Variants in SERINC5 observed in about 807,000 individuals in gnomAD.
The protein encoded by SERINC5 is serine incorporator 5, also known as chromosome 5 open reading frame 12.
SERINC5 carries 41 observed loss-of-function variants against 63.1 expected under a neutral mutation model. That is an observed-to-expected ratio of 0.65 (90% CI 0.51 to 0.84). SERINC5 has a LOEUF of 0.84. SERINC5 is among the 40% of genes least tolerant of loss of function. The pLI is 0.00. For missense variants in SERINC5, 523 were observed against 573.0 expected, an observed-to-expected ratio of 0.91 and a Z score of 0.89; for synonymous variants, 222 against 215.2, an observed-to-expected ratio of 1.03 and a Z score of -0.28.
chr5:80,171,571 C>T (rs1389569895), intron 5 of SERINC5, among the ~76,000 whole-genome samples: 1 of 152,098 alleles, frequency 6.6e-6, no homozygotes, highest in Non-Finnish European at 1.5e-5. Context: ...TGGTGATCAA[C>T]TGTATGGTAG....
In SERINC5 at chr5:80,149,585, C is replaced by T. The variant is rs554519419; in HGVS notation, c.1053+1297G>A. Among the ~76,000 whole-genome samples, 11 of 152,344 alleles carry T rather than the reference C, an allele frequency of 7.2e-5. 1 individual carries two copies. The East Asian group carries it at 2.1e-3, about 29-fold the overall frequency. On this transcript the variant is annotated intron_variant, in intron 9 of 11. Coordinates refer to ENST00000507668, the MANE Select transcript of SERINC5 (RefSeq NM_001174072.3). ...AGCAGCAAGGACCAGGGTTCAGCAGCTCAGCTCCTGGGCAGCAGTGGTCAA... is the reference window on the plus strand; with the variant it reads ...AGCAGCAAGGACCAGGGTTCAGCAGTTCAGCTCCTGGGCAGCAGTGGTCAA...
intron 1 of SERINC5, among the ~76,000 whole-genome samples, chr5:80,222,183 C>A (rs1005357592): frequency 6.6e-6 from 1 of 151,842 alleles, no homozygotes; most frequent in Non-Finnish European, 1.5e-5. Context: ...AAAAATGGTC[C>A]CAAGCTCACT....
rs546661753 is a variant in SERINC5 at position 80,142,748 on chromosome 5, AG to A, written c.*914del. The stretch of plus-strand genomic sequence containing the variant: ...CAACTGAAAGAGCAGTGCATGCAGC[AG>A]GCTTCAACACGAAGCAGCTTTTCAG... On this transcript the variant is annotated 3_prime_UTR_variant, in exon 12 of 12. Coordinates refer to ENST00000507668, the MANE Select transcript of SERINC5 (RefSeq NM_001174072.3). 1.8e-4 allele frequency: 177 copies of A among 985,470 alleles called. 1 individual carries two copies. The African/African-American group carries it at 2.8e-3, about 16-fold the overall frequency. The allele number at this position is 985,470 out of a possible 1,614,324, so 61.0% of individuals were successfully genotyped here. A position where few individuals can be genotyped will look rare whatever the true frequency, so the allele number is the denominator to read the frequency against.
At chr5:80,234,306 G>A (rs1305459348) in intron 1 of SERINC5, among the ~76,000 whole-genome samples, 1 of 152,134 alleles carries the variant, frequency 6.6e-6, no homozygotes, top group Non-Finnish European at 1.5e-5. Flanking sequence ...TTTAGGATTG[G>A]CGTACCCGTT....
In SERINC5 at chr5:80,139,059, A is replaced by C. The variant is rs1745348619; in HGVS notation, c.*4604T>G. ...AACTTTCAAAAGTTACCAAAATTCG[A>C]ATCATATCAGAGACCATTATAAATT... On this transcript the variant is annotated 3_prime_UTR_variant, in exon 12 of 12. Coordinates refer to ENST00000507668, the MANE Select transcript of SERINC5 (RefSeq NM_001174072.3). 1 of 983,740 alleles carries C rather than the reference A, an allele frequency of 1.0e-6. No homozygotes were observed. The highest frequency in any genetic ancestry group is 4.7e-5 in the South Asian group (1 of 21,276). The allele number at this position is 983,740 out of a possible 1,614,324, so 60.9% of individuals were successfully genotyped here. A position where few individuals can be genotyped will look rare whatever the true frequency, so the allele number is the denominator to read the frequency against.
At position 80,142,247 on chromosome 5, in the gene SERINC5, G is replaced by C. The variant is rs768501405; in HGVS notation, c.*1416C>G. 1.5e-4 allele frequency: 144 copies of C among 985,224 alleles called. No homozygotes were observed. The highest frequency in any genetic ancestry group is 1.6e-4 in the Non-Finnish European group (135 of 829,932). 61.0% of individuals were successfully genotyped at this position (985,224 alleles called of 1,614,324 possible). A position where few individuals can be genotyped will look rare whatever the true frequency, so the allele number is the denominator to read the frequency against. The stretch of plus-strand genomic sequence containing the variant: ...ATCTTGGGTAGCTGCCGAAAGTCAC[G>C]TTTCTGTATTACTTTGCAAGTACGT... On this transcript the variant is annotated 3_prime_UTR_variant, in exon 12 of 12. Transcript: ENST00000507668.
downstream of SERINC5, among the ~76,000 whole-genome samples, chr5:80,138,561 A>AC (rs572588095): frequency 6.6e-6 from 1 of 152,184 alleles, no homozygotes; most frequent in East Asian, 1.9e-4. Context: ...GCGCCACTGT[A>AC]CCCCAGCCTG....
intron 11 of SERINC5, among the ~76,000 whole-genome samples, chr5:80,129,709 T>C (rs900165202): frequency 1.3e-5 from 2 of 152,252 alleles, no homozygotes; most frequent in Non-Finnish European, 2.9e-5. Context: ...TTTCCATATA[T>C]AGATGTTCTA....
intron 2 of SERINC5, among the ~76,000 whole-genome samples, chr5:80,187,083 T>C (rs1486180541): frequency 6.6e-6 from 1 of 152,036 alleles, no homozygotes; most frequent in Non-Finnish European, 1.5e-5. Flanking sequence ...GGAGAATAGC[T>C]TGAACCCAGG....
chr5:80,171,031 G>A (rs1747620310), intron 5 of SERINC5, among the ~76,000 whole-genome samples: 1 of 151,762 alleles, frequency 6.6e-6, no homozygotes, highest in South Asian at 2.1e-4. Context: ...TTTTTTTTGA[G>A]ACAGAGTCTT....
intron 2 of SERINC5, among the ~76,000 whole-genome samples, chr5:80,194,195 G>T (rs1412865802): frequency 1.3e-5 from 2 of 152,180 alleles, no homozygotes; most frequent in Non-Finnish European, 2.9e-5. Context: ...AAAGAACTGG[G>T]TCAGCAATAT....
chr5:80,135,894 A>G (rs115164436), downstream of SERINC5, among the ~76,000 whole-genome samples: 1,679 of 152,072 alleles, frequency 0.011, 8 homozygotes, highest in Non-Finnish European at 0.017. Context: ...AGAAAAAAAA[A>G]AAAGCAAATG....
At position 80,202,913 on chromosome 5, in the gene SERINC5, T is replaced by C; in HGVS notation, c.168A>G (p.Thr56=). ...GCTCTTTCATCTTGTGAGCCACGGT[T>C]GTTGACATCATGATGCAGCAGAGGA... The part of the protein sequence containing the change: ...VVVLCCIMMS[T]TVAHKMKEHI... Residue 56 remains threonine (T), a synonymous_variant, in exon 2 of 12, where the codon ACA becomes ACG. Transcript: ENST00000507668. The C allele has an allele frequency of 6.2e-7, 1 of 1,612,152 alleles. No individual in the cohort carries two copies. The highest frequency in any genetic ancestry group is 8.5e-7 in the Non-Finnish European group (1 of 1,178,476).
chr5:80,242,137 C>A (rs1751965930), intron 1 of SERINC5, among the ~76,000 whole-genome samples: 2 of 151,642 alleles, frequency 1.3e-5, no homozygotes, highest in South Asian at 4.2e-4. Flanking sequence ...TCTGAAAACA[C>A]AACAAAACAA....
chr5:80,172,659 C>T (rs894714164), intron 5 of SERINC5, among the ~76,000 whole-genome samples: 4 of 150,938 alleles, frequency 2.7e-5, no homozygotes, highest in African/African-American at 9.9e-5. Flanking sequence ...ATTATTCTAA[C>T]ATAAAAGGCA....
At chr5:80,202,041 C>G (rs1482096524) in intron 2 of SERINC5, among the ~76,000 whole-genome samples, 1 of 152,048 alleles carries the variant, frequency 6.6e-6, no homozygotes, top group Non-Finnish European at 1.5e-5. Flanking sequence ...AGTTCAAGAC[C>G]AGCCTGGCCA....
rs1391158855 is a variant in SERINC5, at chr5:80,140,067, C to T, written c.*3596G>A. Reference sequence around the variant, plus strand: ...AGGGTAGGCTGCGTGCAGTGGTTTACGCCTATAATCCCAGCACTTTGGGAA... The same window carrying T: ...AGGGTAGGCTGCGTGCAGTGGTTTATGCCTATAATCCCAGCACTTTGGGAA... On this transcript the variant is annotated 3_prime_UTR_variant, in exon 12 of 12. Coordinates refer to ENST00000507668, the MANE Select transcript of SERINC5 (RefSeq NM_001174072.3). 6.1e-6 allele frequency: 6 copies of T among 983,792 alleles called. No homozygotes were observed. Among genetic ancestry groups the T allele is most frequent in the African/African-American group, 1.8e-5 (1 of 57,126 alleles). The allele number at this position is 983,792 out of a possible 1,614,324, so 60.9% of individuals were successfully genotyped here. A position where few individuals can be genotyped will look rare whatever the true frequency, so the allele number is the denominator to read the frequency against.
intron 1 of SERINC5, among the ~76,000 whole-genome samples, chr5:80,237,842 G>A (rs1235083220): frequency 1.3e-5 from 2 of 151,936 alleles, no homozygotes; most frequent in African/African-American, 2.4e-5. Flanking sequence ...GGTGGCTCAC[G>A]CCTGTAATCC....
intron 1 of SERINC5, among the ~76,000 whole-genome samples, chr5:80,250,793 T>C (rs1192009678): frequency 2.0e-5 from 3 of 152,228 alleles, no homozygotes; most frequent in Non-Finnish European, 2.9e-5. Flanking sequence ...ACAGCTGGCC[T>C]AATTGCATTT....
Sources: allele counts gnomAD v4.1 joint callset (sites outside exome capture counted in the v4.1 genomes callset), GRCh38; gene constraint gnomAD v4.1.1; transcripts MANE v1.5; gene names NCBI Gene and HGNC (gene_info 2026-07-23, HGNC 2026-07-21).